Variants in ADGRL3 observed in about 807,000 individuals in gnomAD.
ADGRL3 encodes adhesion G protein-coupled receptor L3.
A neutral mutation model predicts 153.5 loss-of-function variants in ADGRL3; 62 were observed. That is an observed-to-expected ratio of 0.40 (90% CI 0.33 to 0.50). ADGRL3 has a LOEUF of 0.50. ADGRL3 is among the 20% of genes least tolerant of loss of function. The pLI, the probability that ADGRL3 is intolerant of heterozygous loss-of-function variation, is 0.47. For synonymous variants in ADGRL3, 710 were observed against 672.5 expected, an observed-to-expected ratio of 1.06 and a Z score of -0.86; for missense variants, 1,641 against 1,859.4, an observed-to-expected ratio of 0.88 and a Z score of 2.16.
chr4:61,432,785 C>T (rs545368566), intron 2 of ADGRL3, among the ~76,000 whole-genome samples: 1 of 151,328 alleles, frequency 6.6e-6, no homozygotes, highest in East Asian at 2.0e-4. Context: ...TCCTGAGTAG[C>T]TGGGGTTATA....
chr4:61,430,379 T>C (rs2097341230), intron 2 of ADGRL3, among the ~76,000 whole-genome samples: 2 of 152,132 alleles, frequency 1.3e-5, no homozygotes, highest in Admixed American at 1.3e-4. Flanking sequence ...CATTTAATTA[T>C]GTCCTAAAAG....
chr4:61,464,473 T>C (rs1410954625), intron 2 of ADGRL3, among the ~76,000 whole-genome samples: 1 of 152,204 alleles, frequency 6.6e-6, no homozygotes, highest in Non-Finnish European at 1.5e-5. Flanking sequence ...TTTTGATCTG[T>C]ATTGTTTCTT....
At chr4:61,699,454 A>C (rs914537779) in intron 6 of ADGRL3, among the ~76,000 whole-genome samples, 3 of 152,186 alleles carry the variant, frequency 2.0e-5, no homozygotes, top group Non-Finnish European at 4.4e-5. Context: ...AAAATAAAAT[A>C]AGATGAAGTT....
chr4:61,761,539 G>A (rs1042992452), intron 8 of ADGRL3, among the ~76,000 whole-genome samples: 3 of 152,072 alleles, frequency 2.0e-5, no homozygotes, highest in Admixed American at 1.3e-4. Flanking sequence ...CATGCCCTTA[G>A]CCCCAGCACT....
At chr4:61,912,583 T>C (rs1029075363) in intron 12 of ADGRL3, 136 bp from the exon 13 acceptor site, 1 of 720,012 alleles carries the variant, frequency 1.4e-6, no homozygotes, top group East Asian at 2.7e-5. Context: ...TGCTTAGCTT[T>C]CATTTTCTTC....
At chr4:61,477,930 C>T (rs1482723568) in intron 2 of ADGRL3, among the ~76,000 whole-genome samples, 1 of 152,022 alleles carries the variant, frequency 6.6e-6, no homozygotes, top group East Asian at 1.9e-4. Flanking sequence ...CAAAAAAAGG[C>T]TTGAAATAGT....
chr4:61,717,196 AT>A (rs2096135045), intron 6 of ADGRL3, among the ~76,000 whole-genome samples: 3 of 106,964 alleles, frequency 2.8e-5, no homozygotes, highest in African/African-American at 1.3e-4. Flanking sequence ...CACATAGTTT[AT>A]GTGTGTGTGT....
chr4:62,022,028 T>C (rs2099240588), intron 21 of ADGRL3, among the ~76,000 whole-genome samples: 1 of 152,202 alleles, frequency 6.6e-6, no homozygotes, highest in Non-Finnish European at 1.5e-5. Context: ...GGAAGGCATG[T>C]CGAAAGCTGA....
intron 5 of ADGRL3, among the ~76,000 whole-genome samples, chr4:61,651,351 A>C (rs915461509): frequency 4.6e-5 from 7 of 152,142 alleles, no homozygotes; most frequent in African/African-American, 1.7e-4. Flanking sequence ...AATATCACTA[A>C]ATATATGTAT....
intron 26 of ADGRL3, among the ~76,000 whole-genome samples, chr4:62,068,415 TTG>T (rs1230329702): frequency 2.0e-5 from 3 of 152,206 alleles, no homozygotes; most frequent in Non-Finnish European, 4.4e-5. Flanking sequence ...CATGTAATGT[TTG>T]TGTGAGTTAA....
chr4:62,023,768 G>A (rs563834199), intron 21 of ADGRL3, among the ~76,000 whole-genome samples: 8 of 152,148 alleles, frequency 5.3e-5, no homozygotes, highest in Non-Finnish European at 7.4e-5. Context: ...ACTCTATTGC[G>A]TGCTTAATAG....
rs574132949 is a variant in ADGRL3 at position 61,472,457 on chromosome 4, C to T, written c.-173-24664C>T. ...CTTCCAAGCTTATTCATGCAGGCCT[C>T]TTTATAGGGATACATCATGACATGG... is the stretch of plus-strand genomic sequence containing the variant. On this transcript the variant is annotated intron_variant, in intron 2 of 26. Transcript: ENST00000683033. Among the ~76,000 whole-genome samples the T allele has an allele frequency of 2.3e-3, 347 of 152,152 alleles. 2 individuals are homozygous for T. Among genetic ancestry groups the T allele is most frequent in the African/African-American group, 8.0e-3 (333 of 41,530 alleles).
chr4:61,933,657 T>C (rs1336874177), intron 13 of ADGRL3, among the ~76,000 whole-genome samples: 1 of 152,168 alleles, frequency 6.6e-6, no homozygotes, highest in African/African-American at 2.4e-5. Flanking sequence ...AAAGGCAAAT[T>C]AGTTTTTGAA....
At chr4:61,620,634 CTTTTTTTTTTTT>C (rs71664993) in intron 5 of ADGRL3, among the ~76,000 whole-genome samples, 2 of 69,706 alleles carry the variant, frequency 2.9e-5, no homozygotes, top group African/African-American at 5.8e-5. Flanking sequence ...TAAATTGTGA[CTTTTTTTTTTTT>C]TTTTTTTTTT....
At chr4:61,345,417 TA>T (rs527792002) in intron 1 of ADGRL3, among the ~76,000 whole-genome samples, 158 of 152,294 alleles carry the variant, frequency 1.0e-3, no homozygotes, top group Non-Finnish European at 1.8e-3. Context: ...CATATTTTGT[TA>T]TTTCCTTAAA....
At chr4:61,519,211 A>G (rs1415613124) in intron 4 of ADGRL3, among the ~76,000 whole-genome samples, 1 of 152,184 alleles carries the variant, frequency 6.6e-6, no homozygotes, top group African/African-American at 2.4e-5. Context: ...AGAACTTTAT[A>G]CTGAATTTAT....
chr4:61,835,937 A>G (rs1047036508), intron 9 of ADGRL3, among the ~76,000 whole-genome samples: 2 of 152,198 alleles, frequency 1.3e-5, no homozygotes, highest in African/African-American at 2.4e-5. Flanking sequence ...ACTGCTCAAG[A>G]TAATTTTTAG....
intron 13 of ADGRL3, among the ~76,000 whole-genome samples, chr4:61,929,372 T>C (rs1397904525): frequency 6.6e-6 from 1 of 152,180 alleles, no homozygotes; most frequent in Non-Finnish European, 1.5e-5. Context: ...CAGTCTAAGG[T>C]ATTTTGTTCT....
chr4:61,647,161 G>A (rs1000126347), intron 5 of ADGRL3, among the ~76,000 whole-genome samples: 1 of 152,036 alleles, frequency 6.6e-6, no homozygotes, highest in Admixed American at 6.6e-5. Context: ...GCACCCACTG[G>A]CCTGCGCCCA....
Sources: gnomAD v4.1 joint callset for allele counts (sites outside exome capture counted in the v4.1 genomes callset) on GRCh38, gnomAD v4.1.1 for gene constraint, MANE v1.5 for transcripts, NCBI Gene and HGNC (gene_info 2026-07-23, HGNC 2026-07-21) for gene names.